The following CREB1 variants were observed in gnomAD, a reference collection of about 807,000 sequenced individuals.
CREB1 encodes the protein cAMP responsive element binding protein 1.
CREB1 carries 2 observed loss-of-function variants against 42.0 expected under a neutral mutation model. The ratio of observed to expected loss-of-function variants is 0.05; its 90% CI spans 0.02 to 0.15. The LOEUF (loss-of-function observed/expected upper bound fraction) is 0.15. Ranked by LOEUF, CREB1 falls within the 10% of genes least tolerant of loss-of-function variation. The probability of loss-of-function intolerance (pLI) is 1.00; values close to 1 mark genes in which losing one functional copy is unlikely to be tolerated. For synonymous variants in CREB1, 123 were observed against 139.9 expected (o/e 0.88, Z 0.85); for missense variants, 199 against 388.9 (o/e 0.51, Z 4.11).
At chr2:207,596,537 G>A (rs557944633) in intron 7 of CREB1, among the ~76,000 whole-genome samples, 5 of 152,174 alleles carry the variant, frequency 3.3e-5, no homozygotes, top group East Asian at 3.9e-4. Context: ...AGGTTCAAGC[G>A]ATGCCCATGG....
At position 207,577,488 on chromosome 2, in the gene CREB1, C is replaced by G. The variant is rs1469844237; in HGVS notation, c.689-17C>G. On this transcript the variant is annotated splice_polypyrimidine_tract_variant and intron_variant, in intron 6 of 7. Coordinates refer to ENST00000353267, the MANE Select transcript of CREB1 (RefSeq NM_004379.5). ...TGCAATGTTTCTGTCTTACACCATG[C>G]TCACTGTTTTTTTCAGCTGCCTCTG... 3 of 1,612,980 alleles carry G rather than the reference C, an allele frequency of 1.9e-6. No individual in the cohort carries two copies. The East Asian group carries it at 6.7e-5, about 36-fold the overall frequency.
At chr2:207,539,770 A>G (rs1391273243) in intron 1 of CREB1, among the ~76,000 whole-genome samples, 1 of 152,232 alleles carries the variant, frequency 6.6e-6, no homozygotes, top group Non-Finnish European at 1.5e-5. Flanking sequence ...GAGAAGTAGA[A>G]TTCAAGTTGA....
intron 3 of CREB1, among the ~76,000 whole-genome samples, chr2:207,562,636 T>C (rs1258531704): frequency 6.6e-6 from 1 of 152,152 alleles, no homozygotes; most frequent in Admixed American, 6.5e-5. Context: ...AATATAATAT[T>C]TTTTTCTTTA....
intron 3 of CREB1, among the ~76,000 whole-genome samples, chr2:207,564,902 C>T (rs539890349): frequency 6.6e-6 from 1 of 152,216 alleles, no homozygotes; most frequent in African/African-American, 2.4e-5. Context: ...GAAGGGGTTC[C>T]ATCATTGGAA....
rs1297438515 is a variant in CREB1, at chr2:207,598,799, GAT to G, written c.*1743_*1744del. 1 of 170,242 alleles carries G rather than the reference GAT, an allele frequency of 5.9e-6. No homozygotes were observed. Among genetic ancestry groups the G allele is most frequent in the Admixed American group, 6.4e-5 (1 of 15,686 alleles). The allele number at this position is 170,242 out of a possible 1,614,324, so 10.5% of individuals were successfully genotyped here. On this transcript the variant is annotated 3_prime_UTR_variant, in exon 8 of 8. Transcript: ENST00000353267. ...GAGGCAGAGGGTTGCAGTGAGCCGA[GAT>G]AGCACCATTGCACTCCAGCCTGGGC...
At position 207,598,820 on chromosome 2, in the gene CREB1, C is replaced by T. The variant is rs146786929; in HGVS notation, c.*1762C>T. On this transcript the variant is annotated 3_prime_UTR_variant, in exon 8 of 8. Transcript: ENST00000353267. ...CCGAGATAGCACCATTGCACTCCAG[C>T]CTGGGCGACTCCATCTCAAAAAATA... 9.9e-3 allele frequency: 1,681 copies of T among 170,446 alleles called. 33 individuals are homozygous for T. The highest frequency in any genetic ancestry group is 0.038 in the African/African-American group (1,587 of 41,572). The allele number at this position is 170,446 out of a possible 1,614,324, so 10.6% of individuals were successfully genotyped here.
chr2:207,539,615 C>T (rs2081015601), intron 1 of CREB1, among the ~76,000 whole-genome samples: 1 of 152,054 alleles, frequency 6.6e-6, no homozygotes, highest in Non-Finnish European at 1.5e-5. Context: ...ATGGCTCCTA[C>T]CCTCAAGAAT....
intron 1 of CREB1, among the ~76,000 whole-genome samples, chr2:207,554,602 T>A (rs949705215): frequency 6.6e-6 from 1 of 152,224 alleles, no homozygotes; most frequent in African/African-American, 2.4e-5. Flanking sequence ...TGATTTACAG[T>A]AGCTACTGCT....
intron 1 of CREB1, among the ~76,000 whole-genome samples, chr2:207,531,508 G>A (rs1171674686): frequency 1.3e-5 from 2 of 152,268 alleles, no homozygotes; most frequent in East Asian, 1.9e-4. Context: ...TTTGAAGGAC[G>A]TGCGGTATGA....
chr2:207,542,334 TG>T (rs1438086065), intron 1 of CREB1, among the ~76,000 whole-genome samples: 72 of 152,280 alleles, frequency 4.7e-4, no homozygotes, highest in African/African-American at 1.7e-3. Context: ...TTTTTGTTTT[TG>T]TTTTTTTGTT....
In CREB1 at chr2:207,567,469, A is replaced by G; in HGVS notation, c.268A>G (p.Thr90Ala). 1.2e-6 allele frequency: 2 copies of G among 1,605,398 alleles called. No individual in the cohort carries two copies. Among genetic ancestry groups the G allele is most frequent in the Non-Finnish European group, 8.5e-7 (1 of 1,174,708 alleles). The change falls in exon 4 of 8, where the codon ACT becomes GCT. Residue 90 changes from threonine to alanine, a missense_variant. This residue lies in a region of CREB1 where 66 missense variants were observed against 150.8 expected (regional missense o/e 0.44). Coordinates refer to ENST00000353267, the MANE Select transcript of CREB1 (RefSeq NM_004379.5). ...AGTTTTTCTTTAATTTCAGATTTCA[A>G]CTATTGCAGAAAGTGAAGATTCACA... is the stretch of plus-strand genomic sequence containing the variant. Reference protein sequence around the residue: ...SPQVQTVQISTIAESEDSQES... With the variant: ...SPQVQTVQISAIAESEDSQES...
intron 5 of CREB1, chr2:207,571,913 C>G (rs2082381652): frequency 3.3e-5 from 10 of 306,842 alleles, no homozygotes; most frequent in South Asian, 2.6e-4. Context: ...CTCGTCTCCT[C>G]CAGCAGCTGA....
At chr2:207,542,823 C>T (rs139261705) in intron 1 of CREB1, among the ~76,000 whole-genome samples, 123 of 152,294 alleles carry the variant, frequency 8.1e-4, no homozygotes, top group African/African-American at 2.9e-3. Context: ...ACTGAAGCTA[C>T]TAATGTGTAT....
chr2:207,588,870 T>C (rs1325574246), intron 7 of CREB1, among the ~76,000 whole-genome samples: 3 of 140,624 alleles, frequency 2.1e-5, no homozygotes, highest in Admixed American at 2.1e-4. Context: ...AATTTACTTA[T>C]TAGTTCTAGG....
chr2:207,578,727 A>C (rs2082696246), intron 7 of CREB1, among the ~76,000 whole-genome samples: 1 of 152,110 alleles, frequency 6.6e-6, no homozygotes, highest in Non-Finnish European at 1.5e-5. Context: ...ATTATATCTA[A>C]ACTCTGAGAA....
chr2:207,575,550 C>A, intron 6 of CREB1, 96 bp downstream of exon 6: 1 of 1,033,028 alleles, frequency 9.7e-7, no homozygotes, highest in South Asian at 2.0e-5. Context: ...TGCAAACCAC[C>A]ATTCAAATGT....
intron 1 of CREB1, among the ~76,000 whole-genome samples, chr2:207,531,136 A>G (rs952106521): frequency 3.3e-5 from 5 of 152,138 alleles, no homozygotes; most frequent in African/African-American, 1.2e-4. Context: ...GGTAATCATC[A>G]CTTGAGATCT....
At chr2:207,560,130 T>A in intron 2 of CREB1, 96 bp from the exon 3 acceptor site, 2 of 1,125,328 alleles carry the variant, frequency 1.8e-6, no homozygotes, top group Non-Finnish European at 1.2e-6. Context: ...AGCAAAAAGG[T>A]CACGTTTTTG....
Position 207,602,993 on chromosome 2 carries a change from G to GT in CREB1, c.*5940dup, listed in dbSNP as rs2087353525. ...TCCTAGAAAGGTGTTTGGCTTTTTG[G>GT]TTTTTGAGGGTTGGGGTAAAGAAGA... On this transcript the variant is annotated 3_prime_UTR_variant, in exon 8 of 8. Coordinates refer to ENST00000353267, the MANE Select transcript of CREB1 (RefSeq NM_004379.5). 1 of 213,678 alleles carries GT rather than the reference G, an allele frequency of 4.7e-6. No homozygotes were observed. The highest frequency in any genetic ancestry group is 5.9e-5 in the Admixed American group (1 of 17,080). The allele number at this position is 213,678 out of a possible 1,614,324, so 13.2% of individuals were successfully genotyped here. A position where few individuals can be genotyped will look rare whatever the true frequency, so the allele number is the denominator to read the frequency against.
Sources: allele counts gnomAD v4.1 joint callset (sites outside exome capture counted in the v4.1 genomes callset), GRCh38; gene constraint gnomAD v4.1.1; regional missense constraint gnomAD v4.1.1; transcripts MANE v1.5; gene names NCBI Gene and HGNC (gene_info 2026-07-23, HGNC 2026-07-21).